The following NCOR1 variants were observed in gnomAD, a reference collection of about 807,000 sequenced individuals.
NCOR1 encodes the protein nuclear receptor corepressor 1, also known as protein phosphatase 1, regulatory subunit 109.
A neutral mutation model predicts 288.1 loss-of-function variants in NCOR1; 63 were observed. That is an observed-to-expected ratio of 0.22 (90% CI 0.18 to 0.27). The LOEUF (loss-of-function observed/expected upper bound fraction) is 0.27. NCOR1 is among the 10% of genes least tolerant of loss of function. The pLI, the probability that NCOR1 is intolerant of heterozygous loss-of-function variation, is 1.00. For missense variants in NCOR1, 2,397 were observed against 3,019.2 expected, an observed-to-expected ratio of 0.79 and a Z score of 4.83; for synonymous variants, 1,007 against 1,065.9, an observed-to-expected ratio of 0.94 and a Z score of 1.08.
In NCOR1 at chr17:16,121,254, T is replaced by A; in HGVS notation, c.1650A>T (p.Glu550Asp). Reference sequence around the variant, plus strand: ...CTGCTGTACCATCTATCTTGTCCTTTTCCTTGGTATTTTCTCTGGACACAA... The same window carrying A: ...CTGCTGTACCATCTATCTTGTCCTTATCCTTGGTATTTTCTCTGGACACAA... ...EKEDSKENTK[E>D]KDKIDGTAEE... The change falls in exon 16 of 46, where the codon GAA becomes GAT. Residue 550 changes from glutamate to aspartate, a missense_variant. This residue lies in a region of NCOR1 where 113 missense variants were observed against 139.5 expected (regional missense o/e 0.81). Coordinates refer to ENST00000268712, the MANE Select transcript of NCOR1 (RefSeq NM_006311.4). The A allele has an allele frequency of 6.2e-7, 1 of 1,612,790 alleles. No individual in the cohort carries two copies. Among genetic ancestry groups the A allele is most frequent in the Non-Finnish European group, 8.5e-7 (1 of 1,179,546 alleles).
chr17:16,127,619 GTA>G lies in NCOR1; in HGVS notation c.1510-1415_1510-1414del, dbSNP rs772226410. ...TATGTATACATACATATGTGTATGT[GTA>G]TATATACATATATGTATATATGTGT... is the stretch of plus-strand genomic sequence containing the variant. On this transcript the variant is annotated intron_variant, in intron 14 of 45. Transcript: ENST00000268712. Among the ~76,000 whole-genome samples the G allele has an allele frequency of 3.0e-5, 4 of 134,384 alleles. No homozygotes were observed. The East Asian group carries it at 8.4e-4, about 28-fold the overall frequency. 88.2% of individuals were successfully genotyped at this position (134,384 alleles called of 152,430 possible).
chr17:16,169,712 C>T (rs1423329480), intron 4 of NCOR1, among the ~76,000 whole-genome samples: 2 of 152,206 alleles, frequency 1.3e-5, no homozygotes, highest in African/African-American at 2.4e-5. Flanking sequence ...CACTACAACA[C>T]AACACGTCCC....
At chr17:16,112,729 T>G (rs921115935) in intron 18 of NCOR1, among the ~76,000 whole-genome samples, 2 of 152,146 alleles carry the variant, frequency 1.3e-5, no homozygotes, top group African/African-American at 2.4e-5. Context: ...GAACTCGTGA[T>G]CTGCCCGCCT....
At chr17:16,147,604 A>G (rs943436754) in intron 9 of NCOR1, among the ~76,000 whole-genome samples, 1 of 152,156 alleles carries the variant, frequency 6.6e-6, no homozygotes, top group Non-Finnish European at 1.5e-5. Context: ...AACTGCTAAC[A>G]TGGTCATCTT....
At chr17:16,044,750 T>C (rs2058375529) in intron 42 of NCOR1, 2 of 813,216 alleles carry the variant, frequency 2.5e-6, no homozygotes, top group Admixed American at 1.7e-5. Flanking sequence ...ACCTTTTTGG[T>C]CCAGCTTGTT....
intron 2 of NCOR1, among the ~76,000 whole-genome samples, chr17:16,188,714 T>C (rs1008848505): frequency 6.6e-6 from 1 of 151,272 alleles, no homozygotes; most frequent in African/African-American, 2.4e-5. Context: ...CTAGAAAATA[T>C]TAATAATAGC....
chr17:16,066,246 CTG>C (rs2061108667), intron 32 of NCOR1, among the ~76,000 whole-genome samples: 1 of 152,184 alleles, frequency 6.6e-6, no homozygotes, highest in Non-Finnish European at 1.5e-5. Context: ...CTACTCAACT[CTG>C]TCACTGTAGC....
Position 16,067,888 on chromosome 17 carries a change from G to A in NCOR1, c.4741+6C>T. 6.2e-7 allele frequency: 1 copy of A among 1,608,088 alleles called. No individual in the cohort carries two copies. Among genetic ancestry groups the A allele is most frequent in the South Asian group, 1.1e-5 (1 of 90,182 alleles). ...GCCATAAATTATCACTATATTTTGT[G>A]TTTACCAGGATCCAAAGCCCTGTGA... On this transcript the variant is annotated splice_donor_region_variant and intron_variant, in intron 32 of 45. Transcript: ENST00000268712.
chr17:16,205,620 T>G (rs571089037), intron 1 of NCOR1, among the ~76,000 whole-genome samples: 1 of 125,482 alleles, frequency 8.0e-6, no homozygotes, highest in South Asian at 2.5e-4. Context: ...AGGCTCTGTC[T>G]AAAAGAAAAG....
intron 44 of NCOR1, among the ~76,000 whole-genome samples, chr17:16,038,911 C>T (rs2057003750): frequency 6.6e-6 from 1 of 152,164 alleles, no homozygotes; most frequent in Admixed American, 6.5e-5. Context: ...CCTGGGATTA[C>T]AGGCACACGC....
chr17:16,158,378 T>C (rs2080168494), intron 6 of NCOR1, among the ~76,000 whole-genome samples: 1 of 152,216 alleles, frequency 6.6e-6, no homozygotes, highest in South Asian at 2.1e-4. Context: ...TTTACTGAAA[T>C]GTTATCAGTA....
At chr17:16,194,145 T>G (rs2089251135) in intron 2 of NCOR1, among the ~76,000 whole-genome samples, 1 of 152,144 alleles carries the variant, frequency 6.6e-6, no homozygotes, top group Non-Finnish European at 1.5e-5. Flanking sequence ...CTGGCCAGCT[T>G]AAAACTCAGC....
chr17:16,104,045 A>G (rs949355038), intron 19 of NCOR1, among the ~76,000 whole-genome samples: 2 of 152,218 alleles, frequency 1.3e-5, no homozygotes, highest in African/African-American at 2.4e-5. Flanking sequence ...TAACAAAGTT[A>G]TATTTTGCTA....
At chr17:16,140,886 G>A (rs2077052977) in intron 11 of NCOR1, among the ~76,000 whole-genome samples, 1 of 151,850 alleles carries the variant, frequency 6.6e-6, no homozygotes, top group Admixed American at 6.6e-5. Context: ...AGCTATTCAG[G>A]AGACTGAGGT....
At chr17:16,147,599 C>T (rs115108035) in intron 9 of NCOR1, among the ~76,000 whole-genome samples, 1 of 152,156 alleles carries the variant, frequency 6.6e-6, no homozygotes, top group Non-Finnish European at 1.5e-5. Flanking sequence ...TGAAAAACTG[C>T]TAACATGGTC....
chr17:16,149,679 T>C lies in NCOR1; in HGVS notation c.843-162A>G, dbSNP rs964043259. Reference sequence around the variant, plus strand: ...TTTTTTACCCTGCAAAATAAGATTTTATAACTTTTGCAAAAATTAGAACTG... The same window carrying C: ...TTTTTTACCCTGCAAAATAAGATTTCATAACTTTTGCAAAAATTAGAACTG... On this transcript the variant is annotated intron_variant, in intron 8 of 45. Coordinates refer to ENST00000268712, the MANE Select transcript of NCOR1 (RefSeq NM_006311.4). Among the ~76,000 whole-genome samples, 12 of 152,186 alleles carry C rather than the reference T, an allele frequency of 7.9e-5. 1 individual carries two copies. Among genetic ancestry groups the C allele is most frequent in the Non-Finnish European group, 1.8e-4 (12 of 68,008 alleles).
intron 23 of NCOR1, among the ~76,000 whole-genome samples, chr17:16,081,265 T>TG (rs557386502): frequency 1.2e-3 from 181 of 147,990 alleles, no homozygotes; most frequent in Non-Finnish European, 2.2e-3. Flanking sequence ...TGGAGTGCAG[T>TG]GGAGCAATCT....
intron 42 of NCOR1, 135 bp from the exon 43 acceptor site, chr17:16,040,629 G>A (rs1280653714): frequency 4.9e-6 from 4 of 816,800 alleles, no homozygotes; most frequent in Non-Finnish European, 7.9e-6. Context: ...CACCCATTAA[G>A]TGAAGATAAA....
At chr17:16,063,161 G>A (rs1184816141) in intron 35 of NCOR1, among the ~76,000 whole-genome samples, 2 of 151,926 alleles carry the variant, frequency 1.3e-5, no homozygotes, top group Admixed American at 6.6e-5. Flanking sequence ...CAGCTTATAT[G>A]AATATTTATT....
Sources: gnomAD v4.1 joint callset for allele counts (sites outside exome capture counted in the v4.1 genomes callset) on GRCh38, gnomAD v4.1.1 for gene constraint, gnomAD v4.1.1 regional missense constraint, MANE v1.5 for transcripts, NCBI Gene and HGNC (gene_info 2026-07-23, HGNC 2026-07-21) for gene names.